The following CNOT9 variants were observed in gnomAD, a reference collection of about 807,000 sequenced individuals.
CNOT9 encodes the protein RCD1 required for cell differentiation1 homolog.
A neutral mutation model predicts 37.4 loss-of-function variants in CNOT9; 8 were observed. That is an observed-to-expected ratio of 0.21 (90% CI 0.13 to 0.39). CNOT9 has a LOEUF of 0.39. CNOT9 is among the 10% of genes least tolerant of loss of function. CNOT9 has a pLI of 1.00. For missense variants in CNOT9, 154 were observed against 365.3 expected (o/e 0.42, Z 4.71); for synonymous variants, 120 against 137.6 (o/e 0.87, Z 0.90).
intron 3 of CNOT9, among the ~76,000 whole-genome samples, chr2:218,584,225 A>G (rs1182253718): frequency 6.6e-6 from 1 of 152,190 alleles, no homozygotes; most frequent in Non-Finnish European, 1.5e-5. Flanking sequence ...GATCTGGACT[A>G]GGGTTTTCAG....
In CNOT9 at chr2:218,568,894, T is replaced by TC; in HGVS notation, c.-61_-60insC. ...TCATTGTTTTCCGCTGCAGGGGTGC[T>TC]GAAGGGGGGACGCGGGTCGGACGCG... On this transcript the variant is annotated 5_prime_UTR_variant, in exon 1 of 8. An upstream open reading frame in the 5' UTR loses its in-frame stop. Transcript: ENST00000273064. The TC allele has an allele frequency of 6.3e-7, 1 of 1,579,520 alleles. No homozygotes were observed. The highest frequency in any genetic ancestry group is 8.6e-7 in the Non-Finnish European group (1 of 1,161,006).
intron 2 of CNOT9, among the ~76,000 whole-genome samples, chr2:218,581,402 C>T (rs575031066): frequency 1.4e-3 from 210 of 151,438 alleles, no homozygotes; most frequent in Non-Finnish European, 2.4e-3. Context: ...GAACTCCTGA[C>T]CTCGTGATCC....
chr2:218,592,547 A>T lies in CNOT9; in HGVS notation c.640-69A>T. 6.5e-7 allele frequency: 1 copy of T among 1,536,142 alleles called. No homozygotes were observed. The highest frequency in any genetic ancestry group is 9.0e-7 in the Non-Finnish European group (1 of 1,108,912). ...TGATTCTTGGACTATCTGATCTCTG[A>T]TGTCAATTAGAATTTGTTTGTGTTT... On this transcript the variant is annotated intron_variant, in intron 6 of 7. Transcript: ENST00000273064. This position sits in a 1 kb window ranked among gnomAD's most constrained non-coding sequence, Gnocchi z 4.1.
At chr2:218,583,229 GTGTGTCTCTCTCTCTCTCTC>G (rs1329675717) in intron 3 of CNOT9, 143 bp downstream of exon 3, 596 of 90,000 alleles carry the variant, frequency 6.6e-3, no homozygotes, top group Non-Finnish European at 7.1e-3. Context: ...GTGTGTGTGT[GTGTGTCTCTCTCTCTCTCTC>G]TCTCTCTCTC....
At chr2:218,579,100 C>T (rs1052622306) in intron 1 of CNOT9, among the ~76,000 whole-genome samples, 3 of 152,030 alleles carry the variant, frequency 2.0e-5, no homozygotes, top group African/African-American at 7.2e-5. Context: ...ATTGGGAAGG[C>T]ATAATTTTTT....
At chr2:218,583,528 C>T (rs1015792712) in intron 3 of CNOT9, among the ~76,000 whole-genome samples, 1 of 152,060 alleles carries the variant, frequency 6.6e-6, no homozygotes, top group African/African-American at 2.4e-5. Context: ...GCATTCTGGG[C>T]GGCCTCTATA....
Position 218,595,809 on chromosome 2 carries a change from C to T in CNOT9, c.*1533C>T, listed in dbSNP as rs975229270. 5.9e-5 allele frequency: 9 copies of T among 151,480 alleles called. No individual in the cohort carries two copies. The highest frequency in any genetic ancestry group is 1.7e-4 in the African/African-American group (7 of 41,350). 9.4% of individuals were successfully genotyped at this position (151,480 alleles called of 1,614,324 possible). A position where few individuals can be genotyped will look rare whatever the true frequency, so the allele number is the denominator to read the frequency against. ...TGCCAACACAAGGGCTCTTTCAAGC[C>T]GACTTTCACAAAGAGAGCCGGACTT... is the stretch of plus-strand genomic sequence containing the variant. On this transcript the variant is annotated 3_prime_UTR_variant, in exon 8 of 8. Coordinates refer to ENST00000273064, the MANE Select transcript of CNOT9 (RefSeq NM_005444.3).
intron 1 of CNOT9, among the ~76,000 whole-genome samples, chr2:218,576,627 T>C (rs1435469062): frequency 6.6e-6 from 1 of 152,228 alleles, no homozygotes; most frequent in Non-Finnish European, 1.5e-5. Flanking sequence ...TCTGAGATTT[T>C]TATGTATTAA....
In CNOT9 at chr2:218,594,712, A is replaced by G. The variant is rs1694881514; in HGVS notation, c.*436A>G. 6.1e-6 allele frequency: 1 copy of G among 163,246 alleles called. No homozygotes were observed. Among genetic ancestry groups the G allele is most frequent in the African/African-American group, 2.4e-5 (1 of 41,866 alleles). 10.1% of individuals were successfully genotyped at this position (163,246 alleles called of 1,614,324 possible). A position where few individuals can be genotyped will look rare whatever the true frequency, so the allele number is the denominator to read the frequency against. On this transcript the variant is annotated 3_prime_UTR_variant, in exon 8 of 8. Coordinates refer to ENST00000273064, the MANE Select transcript of CNOT9 (RefSeq NM_005444.3). ...ATTTTGCCTTTCTGGAAGACTCAAGATATGTCTCTTCATTCTCTCTCAGTA... is the reference window on the plus strand; with the variant it reads ...ATTTTGCCTTTCTGGAAGACTCAAGGTATGTCTCTTCATTCTCTCTCAGTA...
intron 3 of CNOT9, among the ~76,000 whole-genome samples, 173 bp downstream of exon 3, chr2:218,583,259 C>G (rs1463974718): frequency 7.4e-5 from 10 of 135,518 alleles, no homozygotes; most frequent in African/African-American, 2.3e-4. Context: ...CTCTCTCTCT[C>G]TCTCTCTCTC....
chr2:218,593,502 A>G, intron 7 of CNOT9: 1 of 1,400,328 alleles, frequency 7.1e-7, no homozygotes, highest in Non-Finnish European at 9.6e-7. Flanking sequence ...ATAGCTCTAC[A>G]CATAGTTAAC....
intron 1 of CNOT9, among the ~76,000 whole-genome samples, chr2:218,579,633 C>T (rs1229410404): frequency 6.7e-6 from 1 of 149,852 alleles, no homozygotes; most frequent in Non-Finnish European, 1.5e-5. Flanking sequence ...ACTACAGGCG[C>T]CTGCCACCAC....
chr2:218,578,664 G>A (rs548510476), intron 1 of CNOT9, among the ~76,000 whole-genome samples: 10 of 151,474 alleles, frequency 6.6e-5, no homozygotes, highest in Admixed American at 5.3e-4. Flanking sequence ...CCCGCCTCCC[G>A]CTCCTTCTTT....
At chr2:218,573,154 C>T (rs1050536850) in intron 1 of CNOT9, among the ~76,000 whole-genome samples, 1 of 151,898 alleles carries the variant, frequency 6.6e-6, no homozygotes, top group African/African-American at 2.4e-5. Context: ...CCCGTCTTTG[C>T]TAAAAATAGA....
chr2:218,579,715 C>T (rs904989920), intron 1 of CNOT9, among the ~76,000 whole-genome samples: 5 of 152,136 alleles, frequency 3.3e-5, no homozygotes, highest in Non-Finnish European at 7.3e-5. Flanking sequence ...TCTCAATCTC[C>T]TGACTTCATG....
At chr2:218,588,959 G>A (rs1367758656) in intron 5 of CNOT9, among the ~76,000 whole-genome samples, 1 of 151,524 alleles carries the variant, frequency 6.6e-6, no homozygotes, top group East Asian at 1.9e-4. Context: ...AAGTCTCTTG[G>A]TTCAACATCA....
Position 218,580,217 on chromosome 2 carries a change from A to G in CNOT9, c.25-344A>G, listed in dbSNP as rs536588449. ...CTCCTGACCTCAAGTGACCCACCCAACATGGCCTCCCACAGCGCTGGGATT... is the reference window on the plus strand; with the variant it reads ...CTCCTGACCTCAAGTGACCCACCCAGCATGGCCTCCCACAGCGCTGGGATT... On this transcript the variant is annotated intron_variant, in intron 1 of 7. Transcript: ENST00000273064. Among the ~76,000 whole-genome samples, 292 of 151,518 alleles carry G rather than the reference A, an allele frequency of 1.9e-3. 1 individual carries two copies. The highest frequency in any genetic ancestry group is 2.5e-3 in the Non-Finnish European group (170 of 67,766).
chr2:218,596,953 T>C lies in CNOT9; in HGVS notation c.*2677T>C, dbSNP rs553288254. The C allele has an allele frequency of 1.3e-5, 2 of 152,272 alleles. No individual in the cohort carries two copies. Among genetic ancestry groups the C allele is most frequent in the East Asian group, 1.9e-4 (1 of 5,186 alleles). 9.4% of individuals were successfully genotyped at this position (152,272 alleles called of 1,614,324 possible). On this transcript the variant is annotated 3_prime_UTR_variant, in exon 8 of 8. Transcript: ENST00000273064. ...TTTCACTGGTGGAACAGGAGCAGCA[T>C]TGGTAGCCTTCAGAGCATGCCTTGC...
chr2:218,584,532 T>C, intron 3 of CNOT9, 80 bp from the exon 4 acceptor site: 1 of 1,004,566 alleles, frequency 1.0e-6, no homozygotes, highest in Non-Finnish European at 1.6e-6. Flanking sequence ...CCTTACAGAA[T>C]TAACCACCTA....
Sources: allele counts gnomAD v4.1 joint callset (sites outside exome capture counted in the v4.1 genomes callset), GRCh38; gene constraint gnomAD v4.1.1; non-coding constraint Gnocchi (gnomAD v3.1); transcripts MANE v1.5; gene names NCBI Gene and HGNC (gene_info 2026-07-23, HGNC 2026-07-21).